The following SCHIP1 variants were observed in gnomAD, a reference collection of about 807,000 sequenced individuals.
SCHIP1 encodes the protein schwannomin-interacting protein 1.
In SCHIP1, 8 loss-of-function variants were observed where a neutral mutation model predicts 29.7. That is an observed-to-expected ratio of 0.27 (90% CI 0.16 to 0.49). SCHIP1 has a LOEUF of 0.49. Among genes scored for constraint, SCHIP1 ranks in the 20% least tolerant of loss-of-function variants. The pLI, the probability that SCHIP1 is intolerant of heterozygous loss-of-function variation, is 0.99. For synonymous variants in SCHIP1, 76 were observed against 94.9 expected (o/e 0.80, Z 1.16); for missense variants, 193 against 294.6 (o/e 0.66, Z 2.52).
the SCHIP1 span, among the ~76,000 whole-genome samples, chr3:159,315,285 G>A: frequency 9.5e-5 from 14 of 146,900 alleles, no homozygotes; most frequent in East Asian, 1.6e-3. Context: ...TGCAAGCTCC[G>A]CCTCCCGGGT....
the SCHIP1 span, among the ~76,000 whole-genome samples, chr3:159,622,537 A>G: frequency 6.6e-6 from 1 of 152,186 alleles, no homozygotes; most frequent in Non-Finnish European, 1.5e-5. Flanking sequence ...TTGCAATTTC[A>G]TTAATCCTTA....
the SCHIP1 span, among the ~76,000 whole-genome samples, chr3:159,826,334 G>T: frequency 7.4e-4 from 112 of 152,322 alleles, no homozygotes; most frequent in African/African-American, 2.6e-3. Context: ...GATGGCTTCA[G>T]TTGTAGTGAC....
chr3:159,630,126 C>T, the SCHIP1 span, among the ~76,000 whole-genome samples: 1 of 152,032 alleles, frequency 6.6e-6, no homozygotes, highest in Admixed American at 6.6e-5. Flanking sequence ...TTTCAATTTC[C>T]CCTTTACTAA....
chr3:159,559,285 G>A, the SCHIP1 span, among the ~76,000 whole-genome samples: 2 of 152,154 alleles, frequency 1.3e-5, no homozygotes, highest in Admixed American at 6.5e-5. Flanking sequence ...TTTCCCATTA[G>A]TATACAGAGT....
the SCHIP1 span, among the ~76,000 whole-genome samples, chr3:159,637,135 T>C: frequency 2.0e-4 from 30 of 152,204 alleles, no homozygotes; most frequent in Non-Finnish European, 3.7e-4. Context: ...CTAGTATCCA[T>C]TAGATTTCAG....
At chr3:159,395,762 G>T in the SCHIP1 span, among the ~76,000 whole-genome samples, 4 of 151,364 alleles carry the variant, frequency 2.6e-5, no homozygotes, top group Admixed American at 1.3e-4. Context: ...TTTTGGAATA[G>T]GTGTGGTGTG....
chr3:159,280,336 A>G, the SCHIP1 span, among the ~76,000 whole-genome samples: 1 of 152,152 alleles, frequency 6.6e-6, no homozygotes. Flanking sequence ...TAGCCTGCCT[A>G]GTAATCTCTA....
the SCHIP1 span, among the ~76,000 whole-genome samples, chr3:159,291,483 G>GA: frequency 1.3e-5 from 2 of 152,030 alleles, no homozygotes; most frequent in South Asian, 2.1e-4. Context: ...GAAATGATTA[G>GA]AAAATCACAA....
At chr3:159,399,128 CT>C in the SCHIP1 span, among the ~76,000 whole-genome samples, 4,107 of 152,222 alleles carry the variant, frequency 0.027, 72 homozygotes, top group East Asian at 0.11. Flanking sequence ...GCTGTTTCGT[CT>C]GCTTGGAATG....
the SCHIP1 span, among the ~76,000 whole-genome samples, chr3:159,317,201 A>G: frequency 6.6e-6 from 1 of 152,164 alleles, no homozygotes; most frequent in Non-Finnish European, 1.5e-5. Flanking sequence ...GACTGATTTC[A>G]TCTTGATAGT....
At chr3:159,275,616 A>G in the SCHIP1 span, among the ~76,000 whole-genome samples, 1 of 152,116 alleles carries the variant, frequency 6.6e-6, no homozygotes, top group Non-Finnish European at 1.5e-5. Flanking sequence ...TTAGTGATAT[A>G]TTTATAACTA....
At chr3:159,890,300 T>C (rs1577501359) in intron 5 of SCHIP1, among the ~76,000 whole-genome samples, 1 of 152,214 alleles carries the variant, frequency 6.6e-6, no homozygotes, top group Non-Finnish European at 1.5e-5. Flanking sequence ...AACTGTTTTC[T>C]CTGCTTTTGT....
the SCHIP1 span, among the ~76,000 whole-genome samples, chr3:159,717,456 A>C: frequency 6.6e-6 from 1 of 152,200 alleles, no homozygotes; most frequent in Non-Finnish European, 1.5e-5. Flanking sequence ...TTTTTTGAAA[A>C]GATCAACAAA....
At chr3:159,699,053 T>C in the SCHIP1 span, among the ~76,000 whole-genome samples, 3 of 152,342 alleles carry the variant, frequency 2.0e-5, no homozygotes, top group Admixed American at 2.0e-4. Flanking sequence ...TGCTTTATCA[T>C]TTTATGTTCT....
chr3:159,637,289 C>T, the SCHIP1 span, among the ~76,000 whole-genome samples: 73 of 152,048 alleles, frequency 4.8e-4, no homozygotes, highest in African/African-American at 1.8e-3. Flanking sequence ...GAACTCAAGA[C>T]TTACTGTGGG....
the SCHIP1 span, among the ~76,000 whole-genome samples, chr3:159,594,215 G>A: frequency 3.3e-5 from 5 of 152,230 alleles, no homozygotes; most frequent in Non-Finnish European, 5.9e-5. Flanking sequence ...TGGTGAAAAA[G>A]GAAAGTGGCC....
the SCHIP1 span, among the ~76,000 whole-genome samples, chr3:159,486,469 C>T: frequency 6.6e-6 from 1 of 152,124 alleles, no homozygotes; most frequent in Non-Finnish European, 1.5e-5. Context: ...GGGAAGATTT[C>T]CTTCTTTTTA....
intron 1 of SCHIP1, among the ~76,000 whole-genome samples, chr3:159,845,177 T>C (rs1711615959): frequency 6.6e-6 from 1 of 152,168 alleles, no homozygotes; most frequent in Non-Finnish European, 1.5e-5. Flanking sequence ...CTGAGATGTC[T>C]CCTACCCACA....
At chr3:159,856,898 A>G (rs928059841) in intron 1 of SCHIP1, among the ~76,000 whole-genome samples, 1 of 152,326 alleles carries the variant, frequency 6.6e-6, no homozygotes, top group South Asian at 2.1e-4. Context: ...GCCATTCCAG[A>G]CAAGCTCTCT....
Sources: allele counts gnomAD v4.1 joint callset (sites outside exome capture counted in the v4.1 genomes callset), GRCh38; gene constraint gnomAD v4.1.1; transcripts MANE v1.5; gene names NCBI Gene and HGNC (gene_info 2026-07-23, HGNC 2026-07-21).